The following TRAF3IP1 variants were observed in gnomAD, a reference collection of about 807,000 sequenced individuals.
TRAF3IP1 encodes TRAF3-interacting protein 1.
In TRAF3IP1, 53 loss-of-function variants were observed where a neutral mutation model predicts 89.9. That is an observed-to-expected ratio of 0.59 (90% confidence interval 0.47 to 0.74). The LOEUF (loss-of-function observed/expected upper bound fraction) is 0.74, where lower values mean the gene tolerates loss of function less well. Ranked by LOEUF, TRAF3IP1 falls within the 30% of genes least tolerant of loss-of-function variation. The probability of loss-of-function intolerance (pLI) is 0.00; values close to 1 mark genes in which losing one functional copy is unlikely to be tolerated. For missense variants in TRAF3IP1, 806 were observed against 866.1 expected, an observed-to-expected ratio of 0.93 and a Z score of 0.87; for synonymous variants, 311 against 322.1, an observed-to-expected ratio of 0.97 and a Z score of 0.37.
At chr2:238,352,257 T>C (rs1401479381) in intron 12 of TRAF3IP1, among the ~76,000 whole-genome samples, 1 of 151,620 alleles carries the variant, frequency 6.6e-6, no homozygotes, top group Non-Finnish European at 1.5e-5. Context: ...GATGTGGACT[T>C]GGGTGGAGCG....
At chr2:238,356,616 G>T (rs1399062294) in intron 15 of TRAF3IP1, among the ~76,000 whole-genome samples, 1 of 152,092 alleles carries the variant, frequency 6.6e-6, no homozygotes, top group Non-Finnish European at 1.5e-5. Flanking sequence ...AGGGGGCAGC[G>T]GCTTACTTGG....
chr2:238,353,151 T>C, intron 13 of TRAF3IP1, 22 bp from the exon 14 acceptor site: 1 of 1,614,124 alleles, frequency 6.2e-7, no homozygotes, highest in African/African-American at 1.3e-5. Flanking sequence ...ATCTTCTTTT[T>C]CCCCCTTCCT....
chr2:238,340,213 AC>A (rs1446371105), intron 8 of TRAF3IP1, among the ~76,000 whole-genome samples: 1 of 152,106 alleles, frequency 6.6e-6, no homozygotes, highest in Non-Finnish European at 1.5e-5. Flanking sequence ...TGCAGGTGTT[AC>A]CTTGCACTGG....
At chr2:238,367,966 T>C (rs149549609) in intron 15 of TRAF3IP1, among the ~76,000 whole-genome samples, 1 of 149,706 alleles carries the variant, frequency 6.7e-6, no homozygotes, top group African/African-American at 2.5e-5. Context: ...CCATATTTCT[T>C]CAGCTTCCCT....
rs1421815261 is a variant in TRAF3IP1 at position 238,320,535 on chromosome 2, C to T, written c.-128C>T. On this transcript the variant is annotated 5_prime_UTR_variant, in exon 1 of 17. Coordinates refer to ENST00000373327, the MANE Select transcript of TRAF3IP1 (RefSeq NM_015650.4). Reference sequence around the variant, plus strand: ...GCTCCGGTGCACTGTGGGATGGAAACCGGAGCGGCGCGTCCTGGCAGGACC... The same window carrying T: ...GCTCCGGTGCACTGTGGGATGGAAATCGGAGCGGCGCGTCCTGGCAGGACC... 3.9e-6 allele frequency: 4 copies of T among 1,016,622 alleles called. No individual in the cohort carries two copies. The highest frequency in any genetic ancestry group is 4.7e-6 in the Non-Finnish European group (4 of 850,038). The allele number at this position is 1,016,622 out of a possible 1,614,324, so 63.0% of individuals were successfully genotyped here.
chr2:238,351,730 A>G lies in TRAF3IP1; in HGVS notation c.1452-1097A>G, dbSNP rs1699162907. On this transcript the variant is annotated intron_variant, in intron 12 of 16. Transcript: ENST00000373327. This position sits in a 1 kb window ranked among gnomAD's most constrained non-coding sequence, Gnocchi z 5.2. The stretch of plus-strand genomic sequence containing the variant: ...AGTGTCTCAAGGACCCAGTTGAGGA[A>G]GTCGAGGATGTTTGGGGCAATGGGT... Among the ~76,000 whole-genome samples, 1 of 152,078 alleles carries G rather than the reference A, an allele frequency of 6.6e-6. No individual in the cohort carries two copies. Among genetic ancestry groups the G allele is most frequent in the Non-Finnish European group, 1.5e-5 (1 of 67,990 alleles).
rs1700452498 is a variant in TRAF3IP1 at position 238,379,332 on chromosome 2, CACTGACTGAGACCATGCG to C, written c.1690-18109_1690-18092del. Among the ~76,000 whole-genome samples the C allele has an allele frequency of 1.3e-5, 2 of 152,320 alleles. No homozygotes were observed. The highest frequency in any genetic ancestry group is 2.4e-5 in the African/African-American group (1 of 41,556). On this transcript the variant is annotated intron_variant, in intron 15 of 16. Coordinates refer to ENST00000373327, the MANE Select transcript of TRAF3IP1 (RefSeq NM_015650.4). This position sits in a 1 kb window ranked among gnomAD's most constrained non-coding sequence, Gnocchi z 4.0. ...GCTCTGCTATCCTCACAGCATTGGT[CACTGACTGAGACCATGCG>C]ACTGACTGAGACCATGCAGCTGGCT...
At chr2:238,354,356 C>T (rs1040496207) in intron 14 of TRAF3IP1, among the ~76,000 whole-genome samples, 4 of 152,208 alleles carry the variant, frequency 2.6e-5, no homozygotes, top group African/African-American at 9.6e-5. Context: ...GGCATTTTCA[C>T]TGCAAAAGCA....
chr2:238,325,302 G>A lies in TRAF3IP1; in HGVS notation c.124-4G>A. Reference sequence around the variant, plus strand: ...ACATGGTGGCCTTTCTTTCTCTCTTGAAGGTGATTAGAATGACTGGTTTCA... The same window carrying A: ...ACATGGTGGCCTTTCTTTCTCTCTTAAAGGTGATTAGAATGACTGGTTTCA... On this transcript the variant is annotated splice_polypyrimidine_tract_variant and splice_region_variant and intron_variant, in intron 1 of 16. Coordinates refer to ENST00000373327, the MANE Select transcript of TRAF3IP1 (RefSeq NM_015650.4). The A allele has an allele frequency of 1.2e-6, 2 of 1,614,174 alleles. No individual in the cohort carries two copies. The highest frequency in any genetic ancestry group is 2.2e-5 in the East Asian group (1 of 44,886).
intron 15 of TRAF3IP1, among the ~76,000 whole-genome samples, chr2:238,356,886 C>G (rs1014244162): frequency 2.0e-5 from 3 of 151,286 alleles, no homozygotes; most frequent in African/African-American, 4.9e-5. Flanking sequence ...TCACGCCATT[C>G]TCCTGCCTCA....
chr2:238,373,708 A>G lies in TRAF3IP1; in HGVS notation c.1689+17628A>G, dbSNP rs929371620. 3.3e-5 allele frequency among the ~76,000 whole-genome samples: 5 copies of G among 152,182 alleles called. No individual in the cohort carries two copies. The East Asian group carries it at 7.7e-4, about 23-fold the overall frequency. On this transcript the variant is annotated intron_variant, in intron 15 of 16. Coordinates refer to ENST00000373327, the MANE Select transcript of TRAF3IP1 (RefSeq NM_015650.4). ...GCTTGATGGGGATGGCATTGAATCT[A>G]TAAATTACTTTGGGCAGTATGGCCA...
intron 1 of TRAF3IP1, among the ~76,000 whole-genome samples, chr2:238,323,117 C>T (rs1457068005): frequency 1.3e-5 from 2 of 148,600 alleles, no homozygotes; most frequent in Non-Finnish European, 1.5e-5. Flanking sequence ...CTTGCTCTGT[C>T]GCCCAGGCTG....
chr2:238,347,402 T>C (rs1698943087), intron 9 of TRAF3IP1, 53 bp from the exon 10 acceptor site: 1 of 1,592,932 alleles, frequency 6.3e-7, no homozygotes, highest in African/African-American at 1.3e-5. Flanking sequence ...CATCATTTAA[T>C]GTATTGAGGT....
chr2:238,340,883 A>T (rs998425984), intron 8 of TRAF3IP1, among the ~76,000 whole-genome samples: 13 of 151,992 alleles, frequency 8.6e-5, no homozygotes, highest in Middle Eastern at 3.4e-3. Context: ...ACAGAGACAG[A>T]GTCTCACTCT....
chr2:238,328,260 GTTT>G (rs911170981), intron 3 of TRAF3IP1, among the ~76,000 whole-genome samples: 4 of 151,140 alleles, frequency 2.6e-5, no homozygotes, highest in Non-Finnish European at 5.9e-5. Context: ...GGTTTTGTGT[GTTT>G]TTTTTTAGGA....
At chr2:238,378,522 A>G (rs1700413428) in intron 15 of TRAF3IP1, among the ~76,000 whole-genome samples, 1 of 152,178 alleles carries the variant, frequency 6.6e-6, no homozygotes, top group African/African-American at 2.4e-5. Flanking sequence ...GCCATCATCT[A>G]TTATTTACCC....
intron 16 of TRAF3IP1, 24 bp from the exon 17 acceptor site, chr2:238,398,730 G>C: frequency 1.3e-6 from 2 of 1,552,396 alleles, no homozygotes; most frequent in Non-Finnish European, 1.7e-6. Context: ...AGAGTGATGA[G>C]CCGCTGGTTT....
chr2:238,333,011 A>G, intron 6 of TRAF3IP1, 116 bp downstream of exon 6: 1 of 731,014 alleles, frequency 1.4e-6, no homozygotes, highest in Middle Eastern at 2.4e-4. Context: ...GTCTGGGCCT[A>G]TCTGTAATAG....
At chr2:238,358,589 C>A (rs1220506258) in intron 15 of TRAF3IP1, among the ~76,000 whole-genome samples, 4 of 152,192 alleles carry the variant, frequency 2.6e-5, no homozygotes, top group Non-Finnish European at 5.9e-5. Flanking sequence ...CAGTCCTGTT[C>A]CCCCGAGGGC....
Sources: gnomAD v4.1 joint callset for allele counts (sites outside exome capture counted in the v4.1 genomes callset) on GRCh38, gnomAD v4.1.1 for gene constraint, Gnocchi (gnomAD v3.1) non-coding constraint, MANE v1.5 for transcripts, NCBI Gene and HGNC (gene_info 2026-07-23, HGNC 2026-07-21) for gene names.